The following FRYL variants were observed in gnomAD, a reference collection of about 807,000 sequenced individuals.
The protein encoded by FRYL is FRY like transcription coactivator.
A neutral mutation model predicts 351.2 loss-of-function variants in FRYL; 150 were observed. That is an observed-to-expected ratio of 0.43 (90% CI 0.37 to 0.49). FRYL has a LOEUF of 0.49. Ranked by LOEUF, FRYL falls within the 20% of genes least tolerant of loss-of-function variation. The probability of loss-of-function intolerance (pLI) is 0.00; values close to 1 mark genes in which losing one functional copy is unlikely to be tolerated. For synonymous variants in FRYL, 1,153 were observed against 1,257.1 expected, an observed-to-expected ratio of 0.92 and a Z score of 1.75; for missense variants, 3,036 against 3,619.3, an observed-to-expected ratio of 0.84 and a Z score of 4.13.
At chr4:48,592,116 T>TATATATATATATATATATA (rs1553942046) in intron 16 of FRYL, among the ~76,000 whole-genome samples, 4 of 84,324 alleles carry the variant, frequency 4.7e-5, no homozygotes, top group Non-Finnish European at 9.1e-5. Context: ...ATATATATAT[T>TATATATATATATATATATA]TTATCTAAGT....
intron 2 of FRYL, among the ~76,000 whole-genome samples, chr4:48,703,244 C>A (rs1766962409): frequency 1.3e-5 from 2 of 151,944 alleles, no homozygotes; most frequent in Non-Finnish European, 2.9e-5. Flanking sequence ...CAGTATGGGA[C>A]CAATTTTTAA....
chr4:48,575,546 C>G (rs1188206874), intron 24 of FRYL, among the ~76,000 whole-genome samples: 1 of 152,140 alleles, frequency 6.6e-6, no homozygotes, highest in East Asian at 1.9e-4. Context: ...ATGAAGAAAA[C>G]AAAATGACTT....
At chr4:48,543,467 C>T (rs1455117080) in intron 44 of FRYL, among the ~76,000 whole-genome samples, 1 of 152,124 alleles carries the variant, frequency 6.6e-6, no homozygotes, top group Non-Finnish European at 1.5e-5. Context: ...GTTCATTTAT[C>T]TTAAAGCATA....
At position 48,498,554 on chromosome 4, in the gene FRYL, A is replaced by C. The variant is rs1718878038; in HGVS notation, c.*868T>G. 1 of 152,670 alleles carries C rather than the reference A, an allele frequency of 6.6e-6. No individual in the cohort carries two copies. The highest frequency in any genetic ancestry group is 2.4e-5 in the African/African-American group (1 of 41,466). 9.5% of individuals were successfully genotyped at this position (152,670 alleles called of 1,614,324 possible). On this transcript the variant is annotated 3_prime_UTR_variant, in exon 64 of 64. Coordinates refer to ENST00000358350, the MANE Select transcript of FRYL (RefSeq NM_015030.2). Reference sequence around the variant, plus strand: ...CAGGCATCTACTTTGGTTAGTTATCAACAATCATAACATAAGCACTGATCA... The same window carrying C: ...CAGGCATCTACTTTGGTTAGTTATCCACAATCATAACATAAGCACTGATCA...
intron 3 of FRYL, chr4:48,637,295 T>C (rs1463053902): frequency 6.6e-6 from 1 of 152,096 alleles, no homozygotes; most frequent in East Asian, 1.9e-4. Context: ...CAACTTTATA[T>C]TTCATCATAA....
intron 3 of FRYL, among the ~76,000 whole-genome samples, chr4:48,635,551 T>C (rs886175282): frequency 6.6e-6 from 1 of 152,188 alleles, no homozygotes; most frequent in African/African-American, 2.4e-5. Context: ...TGGCAAATAG[T>C]AAGCTGCATC....
intron 18 of FRYL, among the ~76,000 whole-genome samples, chr4:48,588,760 A>G (rs569049133): frequency 1.3e-5 from 2 of 152,250 alleles, no homozygotes; most frequent in Admixed American, 6.5e-5. Context: ...ACCCACCTGT[A>G]AGTAATAAAA....
chr4:48,677,418 T>G (rs1177617039), intron 3 of FRYL, among the ~76,000 whole-genome samples: 1 of 145,750 alleles, frequency 6.9e-6, no homozygotes, highest in African/African-American at 2.5e-5. Flanking sequence ...TGTGTTTTTG[T>G]TTTTTTTTTT....
intron 16 of FRYL, 97 bp from the exon 17 acceptor site, chr4:48,590,927 G>T: frequency 1.2e-6 from 1 of 850,060 alleles, no homozygotes; most frequent in Non-Finnish European, 1.8e-6. Flanking sequence ...GAGTTGGGGG[G>T]TGGAAGGAAG....
intron 1 of FRYL, among the ~76,000 whole-genome samples, chr4:48,713,929 C>A (rs1453188132): frequency 3.9e-5 from 6 of 152,174 alleles, no homozygotes; most frequent in East Asian, 1.9e-4. Flanking sequence ...ATCTCTCAGA[C>A]CACAGTGCAA....
chr4:48,565,512 C>G lies in FRYL; in HGVS notation c.3330+19G>C. On this transcript the variant is annotated intron_variant, in intron 29 of 63. Coordinates refer to ENST00000358350, the MANE Select transcript of FRYL (RefSeq NM_015030.2). ...ACTCTGCTCTTAAGAAAAAAGAAATCAGGTTTCTAAGTAAATACCTTTAAC... is the reference window on the plus strand; with the variant it reads ...ACTCTGCTCTTAAGAAAAAAGAAATGAGGTTTCTAAGTAAATACCTTTAAC... 2 of 1,517,514 alleles carry G rather than the reference C, an allele frequency of 1.3e-6. No homozygotes were observed. Among genetic ancestry groups the G allele is most frequent in the Non-Finnish European group, 1.8e-6 (2 of 1,134,164 alleles). The allele number at this position is 1,517,514 out of a possible 1,614,324, so 94.0% of individuals were successfully genotyped here.
At chr4:48,662,147 A>T (rs1231249080) in intron 3 of FRYL, among the ~76,000 whole-genome samples, 2 of 152,226 alleles carry the variant, frequency 1.3e-5, no homozygotes, top group Non-Finnish European at 2.9e-5. Flanking sequence ...TGAATGGAAA[A>T]TATTAATTGA....
chr4:48,573,418 T>A (rs1370306330), intron 25 of FRYL, among the ~76,000 whole-genome samples, 175 bp from the exon 26 acceptor site: 4 of 152,234 alleles, frequency 2.6e-5, no homozygotes, highest in Non-Finnish European at 5.9e-5. Context: ...TATAGACTAT[T>A]TGGAAACCAG....
rs138104469 is a variant in FRYL at position 48,728,902 on chromosome 4, C to T, written c.-383-18204G>A. On this transcript the variant is annotated intron_variant, in intron 1 of 63. Transcript: ENST00000358350. ...TGGGTGCAGCCCACGGAGGGCAAGC[C>T]GAAGCAGGGCAGGTCGTCACCTCAC... Among the ~76,000 whole-genome samples the T allele has an allele frequency of 2.6e-4, 39 of 152,302 alleles. 1 individual carries two copies. The East Asian group carries it at 7.1e-3, about 28-fold the overall frequency.
chr4:48,641,375 T>C (rs776597), intron 3 of FRYL, among the ~76,000 whole-genome samples: 143,857 of 152,116 alleles, frequency 0.95, 68,145 homozygotes, highest in South Asian at 0.98. Context: ...TATAATTTAA[T>C]ATATAAAATA....
intron 7 of FRYL, 133 bp downstream of exon 7, chr4:48,619,141 G>A: frequency 1.6e-6 from 1 of 643,120 alleles, no homozygotes; most frequent in Non-Finnish European, 2.7e-6. Context: ...ACTGAAAGAA[G>A]TATAATGAAA....
At chr4:48,583,894 G>A (rs1427666367) in intron 19 of FRYL, among the ~76,000 whole-genome samples, 6 of 146,934 alleles carry the variant, frequency 4.1e-5, no homozygotes, top group Admixed American at 1.4e-4. Flanking sequence ...AACAGAGCAA[G>A]ACATCATCTC....
intron 2 of FRYL, among the ~76,000 whole-genome samples, chr4:48,689,794 A>G (rs1244141873): frequency 6.6e-6 from 1 of 152,086 alleles, no homozygotes; most frequent in Admixed American, 6.6e-5. Flanking sequence ...AGCCCTCCTA[A>G]TCCAACCATT....
intron 2 of FRYL, among the ~76,000 whole-genome samples, chr4:48,704,003 T>A (rs1003068082): frequency 6.6e-6 from 1 of 152,158 alleles, no homozygotes; most frequent in Non-Finnish European, 1.5e-5. Context: ...CTAAAGCATG[T>A]TGAACTTGAA....
Sources: gnomAD v4.1 joint callset for allele counts (sites outside exome capture counted in the v4.1 genomes callset) on GRCh38, gnomAD v4.1.1 for gene constraint, MANE v1.5 for transcripts, NCBI Gene and HGNC (gene_info 2026-07-23, HGNC 2026-07-21) for gene names.